The following GALNT13 variants were observed in gnomAD, a reference collection of about 807,000 sequenced individuals.
GALNT13 encodes the protein polypeptide N-acetylgalactosaminyltransferase 13, also known as UDP-GalNAc:polypeptide N-acetylgalactosaminyltransferase 13.
In GALNT13, 28 loss-of-function variants were observed where a neutral mutation model predicts 64.2. The ratio of observed to expected loss-of-function variants is 0.44; its 90% CI spans 0.32 to 0.60. The LOEUF (loss-of-function observed/expected upper bound fraction) is 0.60. Among genes scored for constraint, GALNT13 ranks in the 20% least tolerant of loss-of-function variants. The pLI is 0.05. For synonymous variants in GALNT13, 214 were observed against 224.6 expected (o/e 0.95, Z 0.42); for missense variants, 577 against 669.8 (o/e 0.86, Z 1.53).
At chr2:153,926,737 C>T (rs939399928) in intron 2 of GALNT13, among the ~76,000 whole-genome samples, 2 of 152,038 alleles carry the variant, frequency 1.3e-5, no homozygotes, top group Non-Finnish European at 2.9e-5. Context: ...TGACTGTATG[C>T]GTGCCATGTA....
chr2:153,529,760 CA>C, the GALNT13 span, among the ~76,000 whole-genome samples: 1 of 152,030 alleles, frequency 6.6e-6, no homozygotes, highest in Non-Finnish European at 1.5e-5. Flanking sequence ...ATATGCAAAT[CA>C]ATCAATATGA....
chr2:154,394,413 T>C, intron 9 of GALNT13, among the ~76,000 whole-genome samples: 1 of 152,116 alleles, frequency 6.6e-6, no homozygotes, highest in East Asian at 1.9e-4. Flanking sequence ...CTACCAAATC[T>C]TAACATGATG....
At chr2:153,834,148 G>A in the GALNT13 span, among the ~76,000 whole-genome samples, 2 of 152,002 alleles carry the variant, frequency 1.3e-5, no homozygotes, top group African/African-American at 4.8e-5. Flanking sequence ...TTAGTTAGGC[G>A]GGTATATTTT....
At chr2:153,638,901 A>G in the GALNT13 span, among the ~76,000 whole-genome samples, 1 of 152,204 alleles carries the variant, frequency 6.6e-6, no homozygotes, top group African/African-American at 2.4e-5. Flanking sequence ...AGGAGAGTAA[A>G]TGGACTAAAA....
At chr2:154,198,414 CATAA>C (rs1294941104) in intron 4 of GALNT13, among the ~76,000 whole-genome samples, 8 of 152,068 alleles carry the variant, frequency 5.3e-5, no homozygotes, top group Non-Finnish European at 8.8e-5. Flanking sequence ...GTATATACAA[CATAA>C]AATTTACTAT....
intron 3 of GALNT13, among the ~76,000 whole-genome samples, chr2:154,113,111 C>T (rs1703080791): frequency 6.6e-6 from 1 of 152,172 alleles, no homozygotes; most frequent in Non-Finnish European, 1.5e-5. Flanking sequence ...TCAGTTTCCA[C>T]CAAAGCCCAG....
chr2:153,698,195 A>C, the GALNT13 span, among the ~76,000 whole-genome samples: 1 of 152,334 alleles, frequency 6.6e-6, no homozygotes, highest in East Asian at 1.9e-4. Context: ...ACTAGTATGC[A>C]AAACAACCAG....
chr2:153,521,600 G>A, the GALNT13 span, among the ~76,000 whole-genome samples: 2 of 152,146 alleles, frequency 1.3e-5, no homozygotes, highest in Admixed American at 6.5e-5. Context: ...GTACCATCCT[G>A]TGGATTTTGA....
intron 1 of GALNT13, among the ~76,000 whole-genome samples, chr2:153,889,306 T>C (rs1687388041): frequency 6.6e-6 from 1 of 150,724 alleles, no homozygotes; most frequent in Non-Finnish European, 1.5e-5. Context: ...CCAGGTGGAT[T>C]AAAAAAAAAT....
intron 3 of GALNT13, among the ~76,000 whole-genome samples, chr2:154,119,453 G>A (rs1031350935): frequency 1.3e-5 from 2 of 151,982 alleles, no homozygotes; most frequent in African/African-American, 2.4e-5. Context: ...CCCCTACCTG[G>A]GAGTTTACAT....
the GALNT13 span, among the ~76,000 whole-genome samples, chr2:153,347,275 G>T: frequency 2.0e-5 from 3 of 152,276 alleles, no homozygotes; most frequent in Admixed American, 6.5e-5. Flanking sequence ...GTGAGATGTG[G>T]GTGGCAGAGG....
the GALNT13 span, among the ~76,000 whole-genome samples, chr2:153,645,449 A>C: frequency 1.3e-5 from 2 of 151,988 alleles, no homozygotes; most frequent in Non-Finnish European, 2.9e-5. Flanking sequence ...CATTTTTTCC[A>C]GTTCTGACAA....
the GALNT13 span, among the ~76,000 whole-genome samples, chr2:153,694,715 A>G: frequency 6.6e-6 from 1 of 152,222 alleles, no homozygotes; most frequent in Non-Finnish European, 1.5e-5. Context: ...TTGCATCTTC[A>G]AATTTGATTT....
chr2:153,205,012 A>C, the GALNT13 span, among the ~76,000 whole-genome samples: 8 of 152,302 alleles, frequency 5.3e-5, no homozygotes, highest in South Asian at 1.7e-3. Flanking sequence ...CTTGAAGCAA[A>C]GACTTTTTGC....
chr2:153,631,663 T>A, the GALNT13 span, among the ~76,000 whole-genome samples: 1 of 151,918 alleles, frequency 6.6e-6, no homozygotes, highest in African/African-American at 2.4e-5. Context: ...GGGTTGTTTT[T>A]TTCTTGTAAA....
rs2105510965 is a variant in GALNT13, at chr2:154,451,762, T to A, written c.*1211T>A. The A allele has an allele frequency of 6.6e-6, 1 of 152,116 alleles. No individual in the cohort carries two copies. Among genetic ancestry groups the A allele is most frequent in the African/African-American group, 2.4e-5 (1 of 41,516 alleles). 9.4% of individuals were successfully genotyped at this position (152,116 alleles called of 1,614,324 possible). On this transcript the variant is annotated 3_prime_UTR_variant, in exon 13 of 13. Transcript: ENST00000392825. ...CAGAGGCCATGAAAGTGAAAAAAAA[T>A]CAGATTTTTGCTAGTAAGTTTTTAT...
the GALNT13 span, among the ~76,000 whole-genome samples, chr2:153,345,719 G>GTCCGTCCGTCCGTCCTTCCT: frequency 1.3e-5 from 1 of 79,976 alleles, no homozygotes; most frequent in Non-Finnish European, 2.5e-5. Flanking sequence ...CTCTCTTTCT[G>GTCCGTCCGTCCGTCCTTCCT]TCCTTCCTTC....
chr2:154,341,807 A>G (rs2105226406), intron 9 of GALNT13, among the ~76,000 whole-genome samples: 1 of 152,262 alleles, frequency 6.6e-6, no homozygotes, highest in African/African-American at 2.4e-5. Context: ...AGCTGAGGGT[A>G]TAACATCAAG....
intron 8 of GALNT13, among the ~76,000 whole-genome samples, chr2:154,300,140 A>G (rs4664732): frequency 0.97 from 139,337 of 143,184 alleles, 67,901 homozygotes; most frequent in East Asian, 1. Flanking sequence ...CGCTTTTGTC[A>G]CCCAGGCTGG....
Sources: gnomAD v4.1 joint callset for allele counts (sites outside exome capture counted in the v4.1 genomes callset) on GRCh38, gnomAD v4.1.1 for gene constraint, MANE v1.5 for transcripts, NCBI Gene and HGNC (gene_info 2026-07-23, HGNC 2026-07-21) for gene names.